The following ANO1 variants were observed in gnomAD, a reference collection of about 807,000 sequenced individuals.
ANO1 encodes anoctamin 1.
In ANO1, 59 loss-of-function variants were observed where a neutral mutation model predicts 124.0. The ratio of observed to expected loss-of-function variants is 0.48; its 90% CI spans 0.39 to 0.59. The LOEUF (loss-of-function observed/expected upper bound fraction) is 0.59, where lower values mean the gene tolerates loss of function less well. Among genes scored for constraint, ANO1 ranks in the 20% least tolerant of loss-of-function variants. The probability of loss-of-function intolerance (pLI) is 0.00; values close to 1 mark genes in which losing one functional copy is unlikely to be tolerated. For missense variants in ANO1, 1,059 were observed against 1,328.0 expected (o/e 0.80, Z 3.15); for synonymous variants, 529 against 532.0 (o/e 0.99, Z 0.08).
chr11:70,098,186 A>G (rs536398431), intron 2 of ANO1, among the ~76,000 whole-genome samples: 1 of 152,342 alleles, frequency 6.6e-6, no homozygotes, highest in Admixed American at 6.5e-5. Context: ...TAATGGGGCC[A>G]CACGGCTCCC....
chr11:69,986,984 C>A (rs1207189509), intron 1 of ANO1, among the ~76,000 whole-genome samples: 2 of 152,168 alleles, frequency 1.3e-5, no homozygotes, highest in East Asian at 3.9e-4. Flanking sequence ...CCCGGGACTG[C>A]TAACTATAGC....
intron 17 of ANO1, 94 bp downstream of exon 17, chr11:70,161,456 C>T (rs2276069): frequency 6.8e-7 from 1 of 1,468,298 alleles, no homozygotes; most frequent in East Asian, 2.3e-5. Flanking sequence ...TGCTTAACTT[C>T]TCTGGGCCCC....
chr11:70,098,111 G>A (rs563455321), intron 2 of ANO1, among the ~76,000 whole-genome samples: 1 of 152,364 alleles, frequency 6.6e-6, no homozygotes, highest in African/African-American at 2.4e-5. Flanking sequence ...GACGGCAGGA[G>A]GATTAGACCA....
At chr11:69,998,892 G>A (rs1451652940) in intron 1 of ANO1, among the ~76,000 whole-genome samples, 35 of 152,112 alleles carry the variant, frequency 2.3e-4, no homozygotes, top group Non-Finnish European at 7.3e-5. Flanking sequence ...AGGTTGCAGT[G>A]AGCCGAGATA....
intron 1 of ANO1, among the ~76,000 whole-genome samples, chr11:70,020,632 G>C (rs1555002533): frequency 6.6e-6 from 1 of 152,122 alleles, no homozygotes; most frequent in Non-Finnish European, 1.5e-5. Flanking sequence ...ACCCCTCTTC[G>C]CTGCTGCGGT....
At chr11:69,976,943 G>A in the ANO1 span, among the ~76,000 whole-genome samples, 8 of 152,330 alleles carry the variant, frequency 5.3e-5, no homozygotes, top group African/African-American at 1.9e-4. Flanking sequence ...CCCGGGAGAT[G>A]GCTGCTCCAG....
chr11:70,166,365 A>G (rs1428021674), intron 20 of ANO1, among the ~76,000 whole-genome samples: 7 of 152,144 alleles, frequency 4.6e-5, no homozygotes, highest in African/African-American at 1.7e-4. Context: ...AAGCCACCCC[A>G]TTTTGGACGA....
chr11:70,064,446 CT>C (rs1469777197), intron 1 of ANO1: 1 of 152,226 alleles, frequency 6.6e-6, no homozygotes, highest in African/African-American at 2.4e-5. Context: ...TGTTTTTGCC[CT>C]GATTTTTCAG....
chr11:70,152,197 G>A (rs1481397948), intron 12 of ANO1, among the ~76,000 whole-genome samples: 10 of 152,044 alleles, frequency 6.6e-5, no homozygotes, highest in Non-Finnish European at 1.2e-4. Flanking sequence ...TTAGCCGGGC[G>A]TGGTGGCGGG....
chr11:70,046,165 C>T (rs1857257198), intron 1 of ANO1, among the ~76,000 whole-genome samples: 2 of 152,124 alleles, frequency 1.3e-5, no homozygotes, highest in African/African-American at 4.8e-5. Flanking sequence ...GCAAAAATGC[C>T]CAGTGTTAGT....
At chr11:70,028,153 G>A (rs1162060990) in intron 1 of ANO1, among the ~76,000 whole-genome samples, 3 of 152,174 alleles carry the variant, frequency 2.0e-5, no homozygotes, top group Non-Finnish European at 2.9e-5. Flanking sequence ...AATCTGTCAG[G>A]TGTGACCCGA....
At chr11:70,003,747 T>A (rs1856430760) in intron 1 of ANO1, among the ~76,000 whole-genome samples, 1 of 152,094 alleles carries the variant, frequency 6.6e-6, no homozygotes, top group Non-Finnish European at 1.5e-5. Context: ...ATCAAATCAC[T>A]CCAATCCTAG....
At chr11:70,105,953 G>A (rs2045519520) in intron 5 of ANO1, among the ~76,000 whole-genome samples, 165 bp downstream of exon 5, 3 of 152,110 alleles carry the variant, frequency 2.0e-5, no homozygotes, top group Admixed American at 2.0e-4. Context: ...GGGGCCCAGG[G>A]GATGGTCGTG....
intron 12 of ANO1, 155 bp downstream of exon 12, chr11:70,149,947 T>C (rs1191895819): frequency 3.9e-6 from 3 of 762,470 alleles, no homozygotes; most frequent in African/African-American, 3.5e-5. Flanking sequence ...CCTGCCTGCC[T>C]CGCCACTCAA....
intron 11 of ANO1, among the ~76,000 whole-genome samples, chr11:70,143,173 G>A (rs1486503949): frequency 1.3e-5 from 2 of 152,128 alleles, no homozygotes; most frequent in Non-Finnish European, 2.9e-5. Context: ...TGGAAGACGC[G>A]ACCCCTGCCC....
At chr11:70,175,714 C>T (rs1209872053) in intron 22 of ANO1, among the ~76,000 whole-genome samples, 2 of 152,212 alleles carry the variant, frequency 1.3e-5, no homozygotes, top group African/African-American at 4.8e-5. Context: ...TGGCTTTATC[C>T]AAATACCTCC....
At chr11:70,105,859 T>C (rs907916896) in intron 5 of ANO1, 71 bp downstream of exon 5, 3 of 1,504,962 alleles carry the variant, frequency 2.0e-6, no homozygotes, top group East Asian at 2.3e-5. Context: ...ATAATTTCAT[T>C]TTGGTGAAAC....
chr11:70,132,681 A>C (rs1282733580), intron 11 of ANO1, among the ~76,000 whole-genome samples: 1 of 152,208 alleles, frequency 6.6e-6, no homozygotes, highest in East Asian at 1.9e-4. Context: ...CCCGACTCCC[A>C]ACTCCAGCTT....
At chr11:70,010,179 G>GTGTGTGTGTGTGTATATATA in intron 1 of ANO1, among the ~76,000 whole-genome samples, 3 of 83,776 alleles carry the variant, frequency 3.6e-5, no homozygotes, top group Admixed American at 1.3e-4. Context: ...GTGTGTGTGT[G>GTGTGTGTGTGTGTATATATA]TATATATATA....
Sources: allele counts gnomAD v4.1 joint callset (sites outside exome capture counted in the v4.1 genomes callset), GRCh38; gene constraint gnomAD v4.1.1; transcripts MANE v1.5; gene names NCBI Gene and HGNC (gene_info 2026-07-23, HGNC 2026-07-21).